ADGRL2: variants seen among roughly 807,000 people sequenced by gnomAD.
ADGRL2 encodes the protein calcium-independent alpha-latrotoxin receptor 2.
In ADGRL2, 44 loss-of-function variants were observed where a neutral mutation model predicts 157.4. The observed-to-expected ratio is 0.28, with a 90% CI of 0.22 to 0.36. The LOEUF is 0.36. Ranked by LOEUF, ADGRL2 falls within the 10% of genes least tolerant of loss-of-function variation. The pLI, the probability that ADGRL2 is intolerant of heterozygous loss-of-function variation, is 1.00. For missense variants in ADGRL2, 1,510 were observed against 1,768.9 expected (o/e 0.85, Z 2.63); for synonymous variants, 585 against 624.7 (o/e 0.94, Z 0.95).
intron 2 of ADGRL2, among the ~76,000 whole-genome samples, chr1:81,533,572 G>A (rs770688805): frequency 6.6e-6 from 1 of 152,052 alleles, no homozygotes; most frequent in Non-Finnish European, 1.5e-5. Context: ...TCTTTTCCTT[G>A]CAGTTATACT....
chr1:81,921,155 G>A (rs1043138606), intron 3 of ADGRL2, among the ~76,000 whole-genome samples: 6 of 152,096 alleles, frequency 3.9e-5, no homozygotes, highest in Non-Finnish European at 5.9e-5. Flanking sequence ...TAAGAGCAGC[G>A]ACAAGTTATT....
chr1:81,516,426 ATTCCTGCATTTTC>A (rs1265776360), intron 2 of ADGRL2, among the ~76,000 whole-genome samples: 2 of 152,092 alleles, frequency 1.3e-5, no homozygotes, highest in Non-Finnish European at 2.9e-5. Context: ...TGTTATTTAG[ATTCCTGCATTTTC>A]TTCCTGCATC....
In ADGRL2 at chr1:81,857,462, C is replaced by T. The variant is rs561482599; in HGVS notation, c.73+20405C>T. On this transcript the variant is annotated intron_variant, in intron 2 of 23. Coordinates refer to ENST00000686636, the MANE Select transcript of ADGRL2 (RefSeq NM_001366006.2). ...TTGAGAAAGTGGAAGATGTTCCATT[C>T]AACATATGCTTTTGTCTTTGATGCC... 2.0e-5 allele frequency among the ~76,000 whole-genome samples: 3 copies of T among 152,276 alleles called. No individual in the cohort carries two copies. In the East Asian group the frequency reaches 5.8e-4, roughly 29 times the overall value.
At chr1:81,948,130 T>C (rs1650504993) in intron 6 of ADGRL2, among the ~76,000 whole-genome samples, 1 of 150,610 alleles carries the variant, frequency 6.6e-6, no homozygotes, top group Non-Finnish European at 1.5e-5. Context: ...AGCAGGAGAA[T>C]GGCTTGAACG....
At chr1:81,588,034 A>G (rs2081061604) in intron 3 of ADGRL2, among the ~76,000 whole-genome samples, 1 of 152,120 alleles carries the variant, frequency 6.6e-6, no homozygotes, top group Admixed American at 6.6e-5. Flanking sequence ...TGTTCTGAAA[A>G]TGATTTACAA....
chr1:81,763,486 G>A (rs1287356104), intron 2 of ADGRL2, among the ~76,000 whole-genome samples: 3 of 151,496 alleles, frequency 2.0e-5, no homozygotes, highest in Non-Finnish European at 4.4e-5. Flanking sequence ...CTACTTGGGA[G>A]GCTGAGGCAA....
At position 81,659,218 on chromosome 1, in the gene ADGRL2, C is replaced by T. The variant is rs183709257; in HGVS notation, c.-143+78238C>T. On this transcript the variant is annotated intron_variant, in intron 3 of 24. Coordinates refer to the ADGRL2 transcript ENST00000370721. ...GTGGGATTACAGGTATGCACCATCA[C>T]GGCCGGCTGATTTTTTGTATTTTTA... Among the ~76,000 whole-genome samples, 429 of 151,976 alleles carry T rather than the reference C, an allele frequency of 2.8e-3. 2 individuals are homozygous for T. The highest frequency in any genetic ancestry group is 9.8e-3 in the African/African-American group (407 of 41,470).
At chr1:81,793,073 T>C (rs948207761) in intron 2 of ADGRL2, among the ~76,000 whole-genome samples, 1 of 152,072 alleles carries the variant, frequency 6.6e-6, no homozygotes, top group African/African-American at 2.4e-5. Flanking sequence ...CTTACGACCC[T>C]GGGAAAAATT....
intron 2 of ADGRL2, among the ~76,000 whole-genome samples, chr1:81,777,571 G>A (rs1402047323): frequency 6.6e-6 from 1 of 152,140 alleles, no homozygotes; most frequent in East Asian, 2.0e-4. Flanking sequence ...AGGAGTTTGA[G>A]ACCAGCCTGG....
chr1:81,680,968 G>A (rs1457447847), intron 3 of ADGRL2, among the ~76,000 whole-genome samples: 1 of 152,084 alleles, frequency 6.6e-6, no homozygotes, highest in Non-Finnish European at 1.5e-5. Context: ...GACACACATA[G>A]TTTACTAAAT....
chr1:81,746,553 G>C (rs2085252876), intron 1 of ADGRL2, among the ~76,000 whole-genome samples: 1 of 152,096 alleles, frequency 6.6e-6, no homozygotes, highest in Non-Finnish European at 1.5e-5. Flanking sequence ...GCCTCCCAAA[G>C]TACTAGGATT....
intron 1 of ADGRL2, among the ~76,000 whole-genome samples, chr1:81,390,912 G>T (rs2076536605): frequency 6.6e-6 from 1 of 152,298 alleles, no homozygotes; most frequent in Non-Finnish European, 1.5e-5. Flanking sequence ...TACATTAGCA[G>T]CTTTGAGTAT....
chr1:81,894,778 G>T (rs911141695), intron 2 of ADGRL2, among the ~76,000 whole-genome samples: 1 of 151,816 alleles, frequency 6.6e-6, no homozygotes, highest in Non-Finnish European at 1.5e-5. Context: ...CAGCAGAAAA[G>T]CATGTCTATT....
chr1:81,338,973 C>T (rs1661855543), intron 1 of ADGRL2, among the ~76,000 whole-genome samples: 1 of 152,186 alleles, frequency 6.6e-6, no homozygotes, highest in South Asian at 2.1e-4. Context: ...GCCTGGAATG[C>T]TCTTCTTTCA....
upstream of ADGRL2, among the ~76,000 whole-genome samples, chr1:81,797,620 A>G (rs903435623): frequency 1.3e-5 from 2 of 152,122 alleles, no homozygotes; most frequent in Non-Finnish European, 2.9e-5. Flanking sequence ...ATTCTTTGTT[A>G]CTCAAACTGC....
At chr1:81,601,832 A>C (rs1003894535) in intron 3 of ADGRL2, among the ~76,000 whole-genome samples, 1 of 152,196 alleles carries the variant, frequency 6.6e-6, no homozygotes, top group Non-Finnish European at 1.5e-5. Flanking sequence ...TCAATCAGGA[A>C]GGAAAGGGTT....
intron 11 of ADGRL2, 24 bp from the exon 12 acceptor site, chr1:81,966,031 ACCT>A: frequency 6.2e-7 from 1 of 1,606,178 alleles, no homozygotes; most frequent in South Asian, 1.1e-5. Flanking sequence ...TTTTTTCCCC[ACCT>A]CCTTTATCTT....
At chr1:81,483,377 C>T (rs755273024) in intron 2 of ADGRL2, among the ~76,000 whole-genome samples, 146 of 152,264 alleles carry the variant, frequency 9.6e-4, no homozygotes, top group Admixed American at 2.1e-3. Context: ...CAAGCACCTT[C>T]GTGCATTTAG....
rs559201086 is a variant in ADGRL2 at position 81,949,348 on chromosome 1, C to T, written c.1211-841C>T. Among the ~76,000 whole-genome samples, 6 of 152,280 alleles carry T rather than the reference C, an allele frequency of 3.9e-5. No homozygotes were observed. In the South Asian group the frequency reaches 1.0e-3, roughly 26 times the overall value. On this transcript the variant is annotated intron_variant, in intron 6 of 23. Coordinates refer to ENST00000686636, the MANE Select transcript of ADGRL2 (RefSeq NM_001366006.2). ...TATTTCTTAAACCTAGTGGATTTAA[C>T]AGTTTAGTAACATTGGAAGGCAAAA...
Sources: allele counts gnomAD v4.1 joint callset (sites outside exome capture counted in the v4.1 genomes callset), GRCh38; gene constraint gnomAD v4.1.1; transcripts MANE v1.5; gene names NCBI Gene and HGNC (gene_info 2026-07-23, HGNC 2026-07-21).